Variants in SOX5 observed in about 807,000 individuals in gnomAD.
SOX5 encodes the protein transcription factor SOX-5.
In SOX5, 9 loss-of-function variants were observed where a neutral mutation model predicts 92.0. The observed-to-expected ratio is 0.10, with a 90% CI of 0.06 to 0.17. The LOEUF (loss-of-function observed/expected upper bound fraction) is 0.17, where lower values mean the gene tolerates loss of function less well. Among genes scored for constraint, SOX5 ranks in the 10% least tolerant of loss-of-function variants. The pLI is 1.00. For synonymous variants in SOX5, 344 were observed against 336.3 expected (o/e 1.02, Z -0.25); for missense variants, 642 against 944.5 (o/e 0.68, Z 4.20).
At chr12:24,168,394 T>C (rs967531513) in intron 4 of SOX5, among the ~76,000 whole-genome samples, 2 of 152,246 alleles carry the variant, frequency 1.3e-5, no homozygotes, top group Non-Finnish European at 2.9e-5. Context: ...ATATATTGCA[T>C]TGTCTTATTT....
At chr12:24,257,320 C>T (rs1480183456) in intron 3 of SOX5, among the ~76,000 whole-genome samples, 3 of 152,116 alleles carry the variant, frequency 2.0e-5, no homozygotes, top group Non-Finnish European at 4.4e-5. Context: ...TTCCTACATT[C>T]ATTATATACA....
chr12:23,690,300 G>A (rs1042626424), intron 6 of SOX5, among the ~76,000 whole-genome samples: 7 of 152,076 alleles, frequency 4.6e-5, no homozygotes, highest in South Asian at 2.1e-4. Context: ...TGCCAGAAAC[G>A]GCCATAAGTG....
At chr12:24,523,142 C>G (rs1321252466) in intron 1 of SOX5, among the ~76,000 whole-genome samples, 2 of 151,734 alleles carry the variant, frequency 1.3e-5, no homozygotes, top group African/African-American at 4.8e-5. Context: ...AATAGGAAAA[C>G]AATATCACCA....
chr12:24,106,308 T>C (rs1452055828), intron 4 of SOX5, among the ~76,000 whole-genome samples: 2 of 152,110 alleles, frequency 1.3e-5, no homozygotes, highest in African/African-American at 2.4e-5. Context: ...AGAAGAATCT[T>C]CCTCAAGTCA....
At chr12:23,696,832 T>C (rs933245846) in intron 6 of SOX5, among the ~76,000 whole-genome samples, 1 of 152,212 alleles carries the variant, frequency 6.6e-6, no homozygotes. Flanking sequence ...ATTTTCCTTA[T>C]GGCTTCTTCT....
rs961804528 is a variant in SOX5 at position 24,491,878 on chromosome 12, T to G, written c.-251+70451A>C. ...CCAAGCAGAGTTGTTTTTTTGGTTT[T>G]GTTTTGTTTTGTTTTTTTAAGGTAA... On this transcript the variant is annotated intron_variant, in intron 1 of 4. Coordinates refer to the SOX5 transcript ENST00000446891. 3.3e-5 allele frequency among the ~76,000 whole-genome samples: 5 copies of G among 152,174 alleles called. No homozygotes were observed. The South Asian group carries it at 6.2e-4, about 19-fold the overall frequency.
chr12:23,719,471 C>T (rs951055258), intron 6 of SOX5, among the ~76,000 whole-genome samples: 4 of 152,032 alleles, frequency 2.6e-5, no homozygotes, highest in Admixed American at 1.3e-4. Context: ...ATTTGCCAAG[C>T]ATGGTGACTC....
chr12:24,199,163 G>A (rs1385834187), intron 4 of SOX5, among the ~76,000 whole-genome samples: 1 of 152,190 alleles, frequency 6.6e-6, no homozygotes, highest in Non-Finnish European at 1.5e-5. Context: ...CTGTGTCTGA[G>A]ATCATGAGAG....
chr12:23,804,546 C>T (rs2095722138), intron 3 of SOX5, among the ~76,000 whole-genome samples: 2 of 152,204 alleles, frequency 1.3e-5, no homozygotes, highest in South Asian at 4.1e-4. Flanking sequence ...GCATTCAGGG[C>T]TTCTCAATCC....
chr12:23,993,536 TCC>T (rs1462357909), intron 4 of SOX5, among the ~76,000 whole-genome samples: 2 of 152,152 alleles, frequency 1.3e-5, no homozygotes, highest in African/African-American at 2.4e-5. Context: ...CCACTATTTC[TCC>T]CAGATACCTC....
At chr12:23,949,534 A>G (rs745810656) in intron 1 of SOX5, 30 bp downstream of exon 1, 2 of 1,612,708 alleles carry the variant, frequency 1.2e-6, no homozygotes, top group South Asian at 1.1e-5. Flanking sequence ...GTTGTACTTC[A>G]ATATATTAGG....
At chr12:23,819,803 G>A (rs1414660261) in intron 3 of SOX5, among the ~76,000 whole-genome samples, 1 of 152,116 alleles carries the variant, frequency 6.6e-6, no homozygotes, top group Non-Finnish European at 1.5e-5. Flanking sequence ...GTGTATATGT[G>A]CCACATTTTT....
At chr12:23,672,213 C>T (rs1202882190) in intron 6 of SOX5, among the ~76,000 whole-genome samples, 1 of 152,094 alleles carries the variant, frequency 6.6e-6, no homozygotes, top group East Asian at 1.9e-4. Context: ...CTAACTTCCC[C>T]ACATCCAATC....
intron 1 of SOX5, among the ~76,000 whole-genome samples, chr12:24,436,110 C>G (rs1002725004): frequency 1.3e-5 from 2 of 152,064 alleles, no homozygotes; most frequent in Non-Finnish European, 2.9e-5. Flanking sequence ...CAAAATGCAA[C>G]AATATTGAAG....
chr12:23,584,724 GGTGTGAGTGTGTGTGTGTGTGTGTAT>G (rs1950487252), intron 9 of SOX5: 2 of 665,864 alleles, frequency 3.0e-6, no homozygotes, highest in South Asian at 3.4e-5. Context: ...GAGAAGGACA[GGTGTGAGTGTGTGTGTGTGTGTGTAT>G]GTGTGTGTGT....
intron 8 of SOX5, among the ~76,000 whole-genome samples, chr12:23,635,412 G>T (rs999073722): frequency 2.0e-5 from 3 of 152,002 alleles, no homozygotes; most frequent in African/African-American, 7.2e-5. Flanking sequence ...GCAAACTATT[G>T]CAAGGACAGA....
At chr12:24,551,223 T>G (rs1953124258) in intron 1 of SOX5, among the ~76,000 whole-genome samples, 1 of 152,226 alleles carries the variant, frequency 6.6e-6, no homozygotes, top group African/African-American at 2.4e-5. Context: ...ATTCATTCAT[T>G]GAATTATTCA....
intron 6 of SOX5, among the ~76,000 whole-genome samples, chr12:23,713,136 C>G (rs1412421628): frequency 1.3e-5 from 2 of 152,150 alleles, no homozygotes; most frequent in African/African-American, 4.8e-5. Flanking sequence ...GACACACAGA[C>G]ATAGGGGAGA....
At chr12:23,945,185 G>A (rs1357296496) in intron 1 of SOX5, among the ~76,000 whole-genome samples, 2 of 152,088 alleles carry the variant, frequency 1.3e-5, no homozygotes, top group Non-Finnish European at 2.9e-5. Context: ...ATATGAAATA[G>A]TTTCCAACTC....
Sources: allele counts gnomAD v4.1 joint callset (sites outside exome capture counted in the v4.1 genomes callset), GRCh38; gene constraint gnomAD v4.1.1; transcripts MANE v1.5; gene names NCBI Gene and HGNC (gene_info 2026-07-23, HGNC 2026-07-21).